Variants in ASPH observed in about 807,000 individuals in gnomAD.
ASPH encodes the protein aspartyl/asparaginyl beta-hydroxylase.
A neutral mutation model predicts 118.4 loss-of-function variants in ASPH; 100 were observed. The ratio of observed to expected loss-of-function variants is 0.84; its 90% confidence interval spans 0.72 to 1.00. The LOEUF (loss-of-function observed/expected upper bound fraction) is 1.00. Among genes scored for constraint, ASPH ranks in the 50% least tolerant of loss-of-function variants. The probability of loss-of-function intolerance (pLI) is 0.00; values close to 1 mark genes in which losing one functional copy is unlikely to be tolerated. For synonymous variants in ASPH, 315 were observed against 325.6 expected (o/e 0.97, Z 0.35); for missense variants, 920 against 919.5 (o/e 1.00, Z -0.01).
chr8:61,603,301 T>C (rs1418098879), intron 14 of ASPH, among the ~76,000 whole-genome samples: 1 of 152,098 alleles, frequency 6.6e-6, no homozygotes, highest in African/African-American at 2.4e-5. Context: ...TCCCTGATTG[T>C]CTTAAAAATT....
intron 17 of ASPH, among the ~76,000 whole-genome samples, chr8:61,565,953 A>G (rs930704958): frequency 3.9e-5 from 6 of 152,172 alleles, no homozygotes; most frequent in Non-Finnish European, 7.3e-5. Context: ...TAGGACATCT[A>G]GCATGGTTTG....
At chr8:61,611,091 T>C (rs1847194943) in intron 14 of ASPH, among the ~76,000 whole-genome samples, 3 of 152,252 alleles carry the variant, frequency 2.0e-5, no homozygotes, top group Non-Finnish European at 4.4e-5. Context: ...CATCCCTGGC[T>C]GACTTAGTTG....
chr8:61,712,495 G>A (rs556954388), intron 1 of ASPH, among the ~76,000 whole-genome samples: 23 of 152,250 alleles, frequency 1.5e-4, no homozygotes, highest in African/African-American at 5.1e-4. Flanking sequence ...TTTTGTTTTC[G>A]TATCACGGGC....
At chr8:61,657,155 T>C (rs1004589170) in intron 3 of ASPH, 2 of 152,174 alleles carry the variant, frequency 1.3e-5, no homozygotes, top group Admixed American at 6.5e-5. Flanking sequence ...GTGGGGACTA[T>C]TCATAATACT....
At chr8:61,567,432 C>A in intron 16 of ASPH, 114 bp from the exon 17 acceptor site, 1 of 1,166,464 alleles carries the variant, frequency 8.6e-7, no homozygotes, top group Non-Finnish European at 1.2e-6. Context: ...ATGTAAGACA[C>A]GTTAGCCTTT....
chr8:61,556,237 C>A (rs1318466689), intron 18 of ASPH, among the ~76,000 whole-genome samples: 1 of 152,198 alleles, frequency 6.6e-6, no homozygotes, highest in Non-Finnish European at 1.5e-5. Flanking sequence ...ATGCTTTGCA[C>A]ATTTACACAA....
chr8:61,579,732 G>A, intron 15 of ASPH: 2 of 910,686 alleles, frequency 2.2e-6, no homozygotes, highest in South Asian at 1.3e-5. Context: ...CTGAGAAGGA[G>A]GCCACTATTC....
In ASPH at chr8:61,582,560, T is replaced by A. The variant is rs1837908391; in HGVS notation, c.1062+1384A>T. Among the ~76,000 whole-genome samples the A allele has an allele frequency of 5.3e-5, 8 of 152,340 alleles. No individual in the cohort carries two copies. The South Asian group carries it at 1.7e-3, about 32-fold the overall frequency. On this transcript the variant is annotated intron_variant, in intron 15 of 24. Coordinates refer to ENST00000379454, the MANE Select transcript of ASPH (RefSeq NM_004318.4). ...GAAAGTAGGAATCATTCCACGTGGT[T>A]AGATTTAAGGGAAGTGAACAATGAC...
chr8:61,582,709 G>A (rs552958593), intron 15 of ASPH, among the ~76,000 whole-genome samples: 5 of 152,286 alleles, frequency 3.3e-5, no homozygotes, highest in East Asian at 1.9e-4. Flanking sequence ...ACATGCGGAC[G>A]TACATTCTTG....
chr8:61,512,773 T>G (rs1185035641), intron 24 of ASPH, among the ~76,000 whole-genome samples: 1 of 152,214 alleles, frequency 6.6e-6, no homozygotes, highest in Non-Finnish European at 1.5e-5. Flanking sequence ...AGAGCTGTGT[T>G]TGACACAGAT....
chr8:61,704,540 TA>T (rs1198289887), intron 1 of ASPH, among the ~76,000 whole-genome samples: 1 of 151,448 alleles, frequency 6.6e-6, no homozygotes, highest in Admixed American at 6.6e-5. Context: ...GCATTAAAAA[TA>T]AAAAAATAAA....
chr8:61,596,143 C>A (rs1188572945), intron 14 of ASPH, among the ~76,000 whole-genome samples: 2 of 152,060 alleles, frequency 1.3e-5, no homozygotes, highest in East Asian at 1.9e-4. Flanking sequence ...GTTCACCTGG[C>A]CCGCCACCAC....
At chr8:61,689,849 A>C (rs927464906) in intron 1 of ASPH, 2 of 1,379,386 alleles carry the variant, frequency 1.4e-6, no homozygotes, top group Non-Finnish European at 1.9e-6. Flanking sequence ...TAGAACTGAA[A>C]TTGGACCTGA....
intron 13 of ASPH, among the ~76,000 whole-genome samples, chr8:61,631,099 GAT>G (rs1564091218): frequency 6.6e-6 from 1 of 152,192 alleles, no homozygotes; most frequent in Non-Finnish European, 1.5e-5. Flanking sequence ...ATGGCTATAT[GAT>G]ATGTTTGTGT....
At chr8:61,514,524 A>G (rs1810129505) in intron 24 of ASPH, among the ~76,000 whole-genome samples, 1 of 152,034 alleles carries the variant, frequency 6.6e-6, no homozygotes, top group Non-Finnish European at 1.5e-5. Flanking sequence ...CCTGGCTAAC[A>G]CGGTGAAACC....
chr8:61,540,385 C>T (rs996685262), intron 21 of ASPH, among the ~76,000 whole-genome samples: 3 of 152,130 alleles, frequency 2.0e-5, no homozygotes, highest in African/African-American at 7.2e-5. Context: ...TGGTCGTTTA[C>T]ATGTATGTAA....
At position 61,583,951 on chromosome 8, in the gene ASPH, C is replaced by T. The variant is rs540413249; in HGVS notation, c.1055G>A (p.Arg352His). Residue 352 changes from arginine to histidine, a missense_variant, in exon 15 of 25, where the codon CGT (arginine) becomes CAT (histidine). Arg to His is a conservative substitution (Grantham distance 29, BLOSUM62 0). Transcript: ENST00000379454. ...KAELDAAEKLRKRGKIEEAVN... is the reference protein window; with the variant it reads ...KAELDAAEKLHKRGKIEEAVN... ...CAAAAAATATCAACCTACCCTTTTA[C>T]GGAGTTTTTCTGCAGCATCAAGTTC... is the stretch of plus-strand genomic sequence containing the variant. The T allele has an allele frequency of 1.8e-5, 29 of 1,577,278 alleles. No homozygotes were observed. Among genetic ancestry groups the T allele is most frequent in the South Asian group, 1.1e-4 (9 of 85,044 alleles).
In ASPH at chr8:61,501,088, ATAAAT is replaced by A. The variant is rs1248255403; in HGVS notation, c.*2266_*2270del. ...ATTTCTCAAACAACTGTATCACAAT[ATAAAT>A]TAAACTAATTCATTTTTGTGTAGAC... On this transcript the variant is annotated 3_prime_UTR_variant, in exon 25 of 25. Coordinates refer to ENST00000379454, the MANE Select transcript of ASPH (RefSeq NM_004318.4). The A allele has an allele frequency of 2.0e-5, 3 of 152,244 alleles. No individual in the cohort carries two copies. Among genetic ancestry groups the A allele is most frequent in the Non-Finnish European group, 1.5e-5 (1 of 68,032 alleles). 9.4% of individuals were successfully genotyped at this position (152,244 alleles called of 1,614,324 possible).
intron 2 of ASPH, among the ~76,000 whole-genome samples, chr8:61,682,829 A>G (rs956511934): frequency 2.6e-5 from 4 of 152,176 alleles, no homozygotes; most frequent in Non-Finnish European, 5.9e-5. Flanking sequence ...GTCCAATGCA[A>G]GGGGATATCA....
Sources: allele counts gnomAD v4.1 joint callset (sites outside exome capture counted in the v4.1 genomes callset), GRCh38; gene constraint gnomAD v4.1.1; transcripts MANE v1.5; gene names NCBI Gene and HGNC (gene_info 2026-07-23, HGNC 2026-07-21).